PSIP1: variants seen among roughly 807,000 people sequenced by gnomAD.
The protein encoded by PSIP1 is PC4 and SFRS1-interacting protein.
In PSIP1, 19 loss-of-function variants were observed where a neutral mutation model predicts 74.7. That is an observed-to-expected ratio of 0.25 (90% CI 0.18 to 0.37). The LOEUF is 0.37. Among genes scored for constraint, PSIP1 ranks in the 10% least tolerant of loss-of-function variants. PSIP1 has a pLI of 1.00. For missense variants in PSIP1, 601 were observed against 614.3 expected, an observed-to-expected ratio of 0.98 and a Z score of 0.23; for synonymous variants, 222 against 195.3, an observed-to-expected ratio of 1.14 and a Z score of -1.14.
intron 3 of PSIP1, 97 bp downstream of exon 3, chr9:15,506,464 T>A (rs1216260201): frequency 4.7e-6 from 4 of 845,312 alleles, no homozygotes; most frequent in Non-Finnish European, 1.9e-6. Flanking sequence ...TTTTAAAGTT[T>A]CCTATTACGT....
chr9:15,472,487 C>T (rs371198061), intron 10 of PSIP1, 145 bp downstream of exon 10: 18 of 1,416,346 alleles, frequency 1.3e-5, no homozygotes, highest in Non-Finnish European at 1.6e-5. Flanking sequence ...AGATCATCAT[C>T]ATATATTGAA....
At chr9:15,509,736 C>T (rs1458918794) in intron 2 of PSIP1, among the ~76,000 whole-genome samples, 1 of 152,180 alleles carries the variant, frequency 6.6e-6, no homozygotes, top group African/African-American at 2.4e-5. Context: ...GTAATCTGCA[C>T]AAATTCCATT....
chr9:15,505,432 T>C (rs919812092), intron 3 of PSIP1: 6 of 152,208 alleles, frequency 3.9e-5, no homozygotes, highest in Non-Finnish European at 8.8e-5. Context: ...TTAAAAATTA[T>C]ATTGTTATAT....
intron 10 of PSIP1, chr9:15,470,732 T>G (rs2035787991): frequency 1.0e-6 from 1 of 958,022 alleles, no homozygotes; most frequent in Non-Finnish European, 1.3e-6. Flanking sequence ...AAAAAAACAT[T>G]TATTAAGATT....
chr9:15,468,676 A>G lies in PSIP1; in HGVS notation c.1374T>C (p.Asp458=). The change falls in exon 14 of 16, where the codon GAT becomes GAC. Residue 458 remains aspartate (D), a synonymous_variant. Transcript: ENST00000380733. ...RQHEEANKTK[D]QGKKGPNKKL... is the part of the protein sequence containing the mutation. The stretch of plus-strand genomic sequence containing the variant: ...TTTTGTTTGGCCCTTTCTTCCCTTG[A>G]TCTTTGGTTTTATTCGCTTCCTCAT... 1 of 1,613,950 alleles carries G rather than the reference A, an allele frequency of 6.2e-7. No individual in the cohort carries two copies. Among genetic ancestry groups the G allele is most frequent in the East Asian group, 2.2e-5 (1 of 44,870 alleles).
chr9:15,468,864 C>T, intron 13 of PSIP1, 21 bp from the exon 14 acceptor site: 1 of 1,606,016 alleles, frequency 6.2e-7, no homozygotes. Context: ...AATATACATT[C>T]ATCATAATTG....
chr9:15,495,576 A>G (rs1229152080), intron 3 of PSIP1, among the ~76,000 whole-genome samples: 1 of 152,198 alleles, frequency 6.6e-6, no homozygotes, highest in Non-Finnish European at 1.5e-5. Context: ...AAAAAAATCT[A>G]TCAAGAATAG....
intron 8 of PSIP1, among the ~76,000 whole-genome samples, chr9:15,474,767 A>G (rs1013457847): frequency 3.3e-4 from 50 of 152,288 alleles, no homozygotes; most frequent in African/African-American, 1.2e-3. Flanking sequence ...TACTACAGAA[A>G]TAGGCTCTAG....
intron 10 of PSIP1, chr9:15,471,217 T>C (rs2035812522): frequency 6.2e-6 from 10 of 1,605,822 alleles, no homozygotes; most frequent in Non-Finnish European, 8.5e-6. Flanking sequence ...TTACTGTAGA[T>C]TACATGTTGT....
intron 9 of PSIP1, 94 bp downstream of exon 9, chr9:15,473,915 C>CAAAAAAAAAAAAAAAAAAAAAA (rs386414512): frequency 6.7e-6 from 4 of 600,530 alleles, no homozygotes; most frequent in South Asian, 4.1e-5. Context: ...AAAAAAAAAA[C>CAAAAAAAAAAAAAAAAAAAAAA]AAAAAAAAAA....
chr9:15,472,780 A>G, intron 9 of PSIP1, 30 bp from the exon 10 acceptor site: 1 of 1,572,778 alleles, frequency 6.4e-7, no homozygotes, highest in Non-Finnish European at 8.6e-7. Context: ...GGTTTTATTT[A>G]ACTATAAAGT....
chr9:15,481,326 A>G (rs542751103), intron 6 of PSIP1, among the ~76,000 whole-genome samples: 9 of 152,356 alleles, frequency 5.9e-5, no homozygotes, highest in South Asian at 2.1e-4. Context: ...TAACTGGTCA[A>G]TTCTTTGGTG....
chr9:15,479,600 G>A lies in PSIP1; in HGVS notation c.544C>T (p.Arg182Ter). Reference sequence around the variant, plus strand: ...ACATCAGTAATCCTACCTGCAGGTCGTCCTCTTTTAGGACTCACTTTTAGA... The same window carrying A: ...ACATCAGTAATCCTACCTGCAGGTCATCCTCTTTTAGGACTCACTTTTAGA... ...VNLKVSPKRG[R>*]PAATEVKIPK... Residue 182 changes from arginine to a stop codon, truncating the protein, a stop_gained, in exon 7 of 16, where the codon CGA becomes TGA. Coordinates refer to ENST00000380733, the MANE Select transcript of PSIP1 (RefSeq NM_033222.5). LOFTEE classifies it high-confidence loss of function. 1.3e-6 allele frequency: 2 copies of A among 1,598,664 alleles called. No homozygotes were observed. The highest frequency in any genetic ancestry group is 1.1e-5 in the South Asian group (1 of 88,964).
At chr9:15,482,822 A>G (rs1474518225) in intron 6 of PSIP1, among the ~76,000 whole-genome samples, 1 of 152,176 alleles carries the variant, frequency 6.6e-6, no homozygotes, top group African/African-American at 2.4e-5. Flanking sequence ...TACCATTAAC[A>G]TTTATTCTCT....
At chr9:15,509,998 C>T in intron 2 of PSIP1, 119 bp downstream of exon 2, 1 of 1,044,164 alleles carries the variant, frequency 9.6e-7, no homozygotes, top group Non-Finnish European at 1.4e-6. Flanking sequence ...GGTCAGGTTA[C>T]AAATGAGACT....
Position 15,474,064 on chromosome 9 carries a change from C to T in PSIP1, c.803G>A (p.Gly268Glu), listed in dbSNP as rs376631319. The change falls in exon 9 of 16, where the codon GGG becomes GAG. Residue 268 changes from glycine to glutamate, a missense_variant. Physicochemically the swap from Gly to Glu is moderately conservative, Grantham distance 98. Coordinates refer to ENST00000380733, the MANE Select transcript of PSIP1 (RefSeq NM_033222.5). ...TTCAGAATCGGAGGTTGAAGTAACC[C>T]CTGTTTTAGCTAAATTTTTCCTTTT... ...ESKRKNLAKT[G>E]VTSTSDSEEE... is the part of the protein sequence containing the mutation. 6.2e-7 allele frequency: 1 copy of T among 1,613,452 alleles called. No homozygotes were observed. The highest frequency in any genetic ancestry group is 8.5e-7 in the Non-Finnish European group (1 of 1,179,880).
intron 11 of PSIP1, 132 bp downstream of exon 11, chr9:15,469,806 T>C: frequency 2.8e-6 from 2 of 715,008 alleles, no homozygotes; most frequent in Non-Finnish European, 4.6e-6. Context: ...TAAAGCCCAT[T>C]AGGGATTTGA....
At chr9:15,488,280 G>T (rs1016605649) in intron 4 of PSIP1, among the ~76,000 whole-genome samples, 1 of 151,940 alleles carries the variant, frequency 6.6e-6, no homozygotes, top group African/African-American at 2.4e-5. Flanking sequence ...TCAGTGAGCC[G>T]AGATCACGCC....
At chr9:15,469,136 A>G in intron 12 of PSIP1, 78 bp from the exon 13 acceptor site, 1 of 1,434,328 alleles carries the variant, frequency 7.0e-7, no homozygotes, top group Non-Finnish European at 9.6e-7. Context: ...ATCGTTTCCA[A>G]AAAAAAAGAG....
Sources: gnomAD v4.1 joint callset for allele counts (sites outside exome capture counted in the v4.1 genomes callset) on GRCh38, gnomAD v4.1.1 for gene constraint, MANE v1.5 for transcripts, NCBI Gene and HGNC (gene_info 2026-07-23, HGNC 2026-07-21) for gene names.